CNTNAP2: variants seen among roughly 807,000 people sequenced by gnomAD.
CNTNAP2 encodes the protein contactin associated protein 2, also known as contactin-associated protein-like 2.
Under a neutral mutation model 155.2 loss-of-function variants are expected in CNTNAP2, and 98 were observed. That is an observed-to-expected ratio of 0.63 (90% CI 0.54 to 0.75). The LOEUF (loss-of-function observed/expected upper bound fraction) is 0.75. CNTNAP2 is among the 30% of genes least tolerant of loss of function. The pLI is 0.00. For missense variants in CNTNAP2, 1,727 were observed against 1,688.1 expected, an observed-to-expected ratio of 1.02 and a Z score of -0.40; for synonymous variants, 651 against 631.2, an observed-to-expected ratio of 1.03 and a Z score of -0.47.
chr7:146,800,716 A>G (rs1001676810), intron 2 of CNTNAP2, among the ~76,000 whole-genome samples: 1 of 152,174 alleles, frequency 6.6e-6, no homozygotes, highest in Non-Finnish European at 1.5e-5. Flanking sequence ...TGTAAGGAGA[A>G]TTCTCACATA....
intron 2 of CNTNAP2, among the ~76,000 whole-genome samples, chr7:146,823,982 T>C (rs1257538378): frequency 1.3e-5 from 2 of 152,056 alleles, no homozygotes; most frequent in Non-Finnish European, 2.9e-5. Context: ...ATATGTCATC[T>C]GGGTTTTAAG....
chr7:147,051,516 G>A (rs34233034), intron 4 of CNTNAP2, among the ~76,000 whole-genome samples: 223 of 152,016 alleles, frequency 1.5e-3, no homozygotes, highest in Non-Finnish European at 2.7e-3. Flanking sequence ...AGCAAGCCTC[G>A]CCTATGTTGA....
At chr7:147,963,521 C>T (rs1157545439) in intron 14 of CNTNAP2, among the ~76,000 whole-genome samples, 3 of 152,064 alleles carry the variant, frequency 2.0e-5, no homozygotes, top group African/African-American at 7.2e-5. Context: ...AAGGGCGCAA[C>T]ATGTACAAAC....
At chr7:146,961,186 T>C (rs1462321088) in intron 3 of CNTNAP2, among the ~76,000 whole-genome samples, 1 of 152,156 alleles carries the variant, frequency 6.6e-6, no homozygotes, top group Non-Finnish European at 1.5e-5. Context: ...ACATTTTCAT[T>C]CCCCTGCTGG....
At chr7:147,420,651 T>C (rs1366507071) in intron 10 of CNTNAP2, among the ~76,000 whole-genome samples, 2 of 152,220 alleles carry the variant, frequency 1.3e-5, no homozygotes, top group African/African-American at 2.4e-5. Flanking sequence ...CCTCAAAAAA[T>C]TCATTTAAAT....
chr7:146,247,395 A>G (rs1799678676), intron 1 of CNTNAP2, among the ~76,000 whole-genome samples: 1 of 152,074 alleles, frequency 6.6e-6, no homozygotes, highest in South Asian at 2.1e-4. Flanking sequence ...AGGGTGGAGG[A>G]GTGGAGGCTG....
At chr7:146,766,862 C>T (rs919497517) in intron 1 of CNTNAP2, among the ~76,000 whole-genome samples, 1 of 152,058 alleles carries the variant, frequency 6.6e-6, no homozygotes, top group Non-Finnish European at 1.5e-5. Flanking sequence ...ACCCCTATAA[C>T]ACTGGGCTTT....
chr7:147,516,848 C>CTTTTTT (rs1221666617), intron 11 of CNTNAP2, among the ~76,000 whole-genome samples: 19 of 112,612 alleles, frequency 1.7e-4, no homozygotes, highest in African/African-American at 4.5e-4. Flanking sequence ...TCTTTCTTTT[C>CTTTTTT]TTTTTTTTTT....
At chr7:148,282,284 A>AAAAC (rs1796988021) in intron 21 of CNTNAP2, among the ~76,000 whole-genome samples, 3 of 152,234 alleles carry the variant, frequency 2.0e-5, no homozygotes, top group African/African-American at 7.2e-5. Flanking sequence ...ATCTTGTCAT[A>AAAAC]AGTGTAGGCT....
chr7:146,974,433 C>T (rs905851297), intron 3 of CNTNAP2, among the ~76,000 whole-genome samples: 27 of 143,410 alleles, frequency 1.9e-4, no homozygotes, highest in Admixed American at 6.2e-4. Flanking sequence ...AGCAAAACTC[C>T]GTCTTAAAAA....
chr7:147,602,629 T>G (rs1035814492), intron 12 of CNTNAP2, among the ~76,000 whole-genome samples: 1 of 151,394 alleles, frequency 6.6e-6, no homozygotes, highest in African/African-American at 2.4e-5. Context: ...CCTAATGCTA[T>G]CCCTCCCCAC....
chr7:146,535,232 T>G lies in CNTNAP2; in HGVS notation c.98-239039T>G, dbSNP rs1352480849. The stretch of plus-strand genomic sequence containing the variant: ...ATATATGATATTATATCATATATAT[T>G]ATATCATATATCATATATATGATAT... On this transcript the variant is annotated intron_variant, in intron 1 of 23. Transcript: ENST00000361727. Among the ~76,000 whole-genome samples, 4 of 47,702 alleles carry G rather than the reference T, an allele frequency of 8.4e-5. 1 individual carries two copies. The highest frequency in any genetic ancestry group is 6.2e-4 in the South Asian group (1 of 1,604). The allele number at this position is 47,702 out of a possible 152,430, so 31.3% of individuals were successfully genotyped here. A position where few individuals can be genotyped will look rare whatever the true frequency, so the allele number is the denominator to read the frequency against.
chr7:147,815,306 AGAT>A (rs1393571825), intron 13 of CNTNAP2, among the ~76,000 whole-genome samples: 2 of 152,070 alleles, frequency 1.3e-5, no homozygotes, highest in African/African-American at 4.8e-5. Flanking sequence ...GATGATGTCA[AGAT>A]GATTAACAGC....
At chr7:146,722,714 A>ATG (rs924559341) in intron 1 of CNTNAP2, among the ~76,000 whole-genome samples, 1 of 149,972 alleles carries the variant, frequency 6.7e-6, no homozygotes, top group African/African-American at 2.4e-5. Context: ...CACACAAAAT[A>ATG]TATATATATA....
At chr7:146,587,836 G>A (rs112364520) in intron 1 of CNTNAP2, among the ~76,000 whole-genome samples, 54 of 151,938 alleles carry the variant, frequency 3.6e-4, no homozygotes, top group Non-Finnish European at 6.6e-4. Context: ...CACCATGCCT[G>A]GCTAATTTTT....
rs116374801 is a variant in CNTNAP2, at chr7:147,244,295, G to A, written c.1349-55846G>A. On this transcript the variant is annotated intron_variant, in intron 8 of 23. Transcript: ENST00000361727. The stretch of plus-strand genomic sequence containing the variant: ...CATCTCCGCTTTATCAGCTCCCGTT[G>A]GGAGATCAGGGGCCAGCAGCCTTCA... Among the ~76,000 whole-genome samples the A allele has an allele frequency of 8.5e-3, 1,289 of 152,268 alleles. 18 individuals are homozygous for A. The highest frequency in any genetic ancestry group is 0.03 in the African/African-American group (1,227 of 41,552).
At chr7:147,493,572 G>GC (rs1300603498) in intron 11 of CNTNAP2, among the ~76,000 whole-genome samples, 1 of 152,136 alleles carries the variant, frequency 6.6e-6, no homozygotes, top group Non-Finnish European at 1.5e-5. Context: ...AGTAGAGAGG[G>GC]CAGGAATACT....
intron 12 of CNTNAP2, among the ~76,000 whole-genome samples, chr7:147,591,012 A>G (rs1223122413): frequency 6.6e-6 from 1 of 152,276 alleles, no homozygotes; most frequent in Middle Eastern, 3.4e-3. Flanking sequence ...TCATTTGCCA[A>G]TCTAAATTTA....
At chr7:148,364,849 A>G (rs1335672722) in intron 21 of CNTNAP2, among the ~76,000 whole-genome samples, 5 of 152,000 alleles carry the variant, frequency 3.3e-5, no homozygotes, top group African/African-American at 7.2e-5. Flanking sequence ...TTGTTCTTTC[A>G]CTCTTTGCAA....
Sources: allele counts gnomAD v4.1 joint callset (sites outside exome capture counted in the v4.1 genomes callset), GRCh38; gene constraint gnomAD v4.1.1; transcripts MANE v1.5; gene names NCBI Gene and HGNC (gene_info 2026-07-23, HGNC 2026-07-21).